Variants in HNRNPUL2 observed in about 807,000 individuals in gnomAD.
The protein encoded by HNRNPUL2 is heterogeneous nuclear ribonucleoprotein U-like protein 2.
Under a neutral mutation model 102.2 loss-of-function variants are expected in HNRNPUL2, and 27 were observed. The observed-to-expected ratio is 0.26, with a 90% CI of 0.19 to 0.36. The LOEUF is 0.36. Ranked by LOEUF, HNRNPUL2 falls within the 10% of genes least tolerant of loss-of-function variation. HNRNPUL2 has a pLI of 1.00. For synonymous variants in HNRNPUL2, 458 were observed against 387.2 expected (o/e 1.18, Z -2.15); for missense variants, 936 against 981.1 (o/e 0.95, Z 0.61).
chr11:62,715,719 A>T, intron 12 of HNRNPUL2, 112 bp from the exon 13 acceptor site: 1 of 1,154,278 alleles, frequency 8.7e-7, no homozygotes, highest in Non-Finnish European at 1.3e-6. Context: ...AAATTGGTTT[A>T]ATTTTCCCAT....
intron 11 of HNRNPUL2, 61 bp from the exon 12 acceptor site, chr11:62,715,998 G>A (rs2083657486): frequency 1.2e-5 from 17 of 1,360,766 alleles, no homozygotes; most frequent in Non-Finnish European, 1.5e-5. Context: ...TCCACATCTG[G>A]GTGGAAATCA....
At position 62,727,230 on chromosome 11, in the gene HNRNPUL2, GC is replaced by G; in HGVS notation, c.-75del. The G allele has an allele frequency of 7.9e-7, 1 of 1,268,700 alleles. No homozygotes were observed. The highest frequency in any genetic ancestry group is 2.2e-5 in the South Asian group (1 of 46,372). 78.6% of individuals were successfully genotyped at this position (1,268,700 alleles called of 1,614,324 possible). ...GTCGACCGAGTCCGACCGCGCAGGCGCCGCCGCCGCCGCCCGCCTCCGCCTC... is the reference window on the plus strand; with the variant it reads ...GTCGACCGAGTCCGACCGCGCAGGCGCGCCGCCGCCGCCCGCCTCCGCCTC... On this transcript the variant is annotated 5_prime_UTR_variant, in exon 1 of 14. Coordinates refer to ENST00000301785, the MANE Select transcript of HNRNPUL2 (RefSeq NM_001079559.3).
At position 62,727,106 on chromosome 11, in the gene HNRNPUL2, C is replaced by G. The variant is rs769870491; in HGVS notation, c.51G>C (p.Arg17=). The G allele has an allele frequency of 1.4e-6, 2 of 1,449,142 alleles. No homozygotes were observed. Among genetic ancestry groups the G allele is most frequent in the South Asian group, 2.6e-5 (2 of 75,964 alleles). 89.8% of individuals were successfully genotyped at this position (1,449,142 alleles called of 1,614,324 possible). A position where few individuals can be genotyped will look rare whatever the true frequency, so the allele number is the denominator to read the frequency against. Residue 17 remains arginine, a synonymous_variant, in exon 1 of 14, where the codon CGG becomes CGC. Transcript: ENST00000301785. ...KVTELRSELQ[R]RGLDSRGLKV... Reference sequence around the variant, plus strand: ...TGAGGCCGCGCGAGTCCAGGCCCCGCCGCTGCAGCTCCGACCGCAGCTCGG... The same window carrying G: ...TGAGGCCGCGCGAGTCCAGGCCCCGGCGCTGCAGCTCCGACCGCAGCTCGG...
At chr11:62,724,224 A>G in intron 2 of HNRNPUL2, 67 bp downstream of exon 2, 1 of 1,592,470 alleles carries the variant, frequency 6.3e-7, no homozygotes, top group Admixed American at 1.7e-5. Flanking sequence ...CAGTCTCTCC[A>G]GTCAATACCA....
chr11:62,722,284 C>A lies in HNRNPUL2; in HGVS notation c.1192G>T (p.Ala398Ser), dbSNP rs2134778253. The A allele has an allele frequency of 3.7e-6, 6 of 1,614,142 alleles. No individual in the cohort carries two copies. The highest frequency in any genetic ancestry group is 5.1e-6 in the Non-Finnish European group (6 of 1,180,030). Reference sequence around the variant, plus strand: ...TTGCAGAGGACATGGGGTAGAAGGGCCCGGTCTGCCAGGGAATCCTTGCTG... The same window carrying A: ...TTGCAGAGGACATGGGGTAGAAGGGACCGGTCTGCCAGGGAATCCTTGCTG... ...WISKDSLADRALLPHVLCKNC... is the reference protein window; with the variant it reads ...WISKDSLADRSLLPHVLCKNC... Residue 398 changes from alanine to serine, a missense_variant, in exon 7 of 14, where the codon GCC becomes TCC. Physicochemically the swap from Ala to Ser is moderately conservative, Grantham distance 99. This residue lies in a region of HNRNPUL2 where 609 missense variants were observed against 713.0 expected (regional missense o/e 0.85). Transcript: ENST00000301785.
Position 62,721,881 on chromosome 11 carries a change from T to C in HNRNPUL2, c.1421A>G (p.Lys474Arg). Residue 474 changes from lysine (K) to arginine (R), a missense_variant, in exon 8 of 14, where the codon AAA (lysine) becomes AGA (arginine). Coordinates refer to ENST00000301785, the MANE Select transcript of HNRNPUL2 (RefSeq NM_001079559.3). ...ATTGTATCTTTTCTCAGGGTTTTCT[T>C]TTGCATATTTCAGTGCCCACTGGGT... Reference protein sequence around the residue: ...GKTQWALKYAKENPEKRYNVL... With the variant: ...GKTQWALKYARENPEKRYNVL... The C allele has an allele frequency of 1.2e-6, 2 of 1,614,160 alleles. No homozygotes were observed. Among genetic ancestry groups the C allele is most frequent in the Non-Finnish European group, 1.7e-6 (2 of 1,180,022 alleles).
chr11:62,721,770 T>C, intron 8 of HNRNPUL2, 50 bp downstream of exon 8: 1 of 1,595,406 alleles, frequency 6.3e-7, no homozygotes, highest in Non-Finnish European at 8.6e-7. Context: ...AAAGATAGGT[T>C]ATAAGAGTCT....
In HNRNPUL2 at chr11:62,716,886, T is replaced by A. The variant is rs117466921; in HGVS notation, c.1981+103A>T. 5.7e-4 allele frequency: 672 copies of A among 1,185,650 alleles called. 9 individuals are homozygous for A. The East Asian group carries it at 0.014, about 25-fold the overall frequency. The allele number at this position is 1,185,650 out of a possible 1,614,324, so 73.4% of individuals were successfully genotyped here. On this transcript the variant is annotated intron_variant, in intron 11 of 13. Transcript: ENST00000301785. ...CCATGAAGAAGGCACTTCCGTATTG[T>A]TAATGACCTGACTTGGTTTCCTTGG...
intron 7 of HNRNPUL2, 84 bp from the exon 8 acceptor site, chr11:62,722,026 C>A: frequency 6.2e-7 from 1 of 1,604,112 alleles, no homozygotes; most frequent in Non-Finnish European, 8.5e-7. Flanking sequence ...TCCTCCCATT[C>A]CTGTTTGGTA....
chr11:62,718,719 A>G (rs1447905418), intron 10 of HNRNPUL2, among the ~76,000 whole-genome samples: 16 of 148,478 alleles, frequency 1.1e-4, no homozygotes, highest in African/African-American at 2.5e-5. Context: ...AAAAAGCAGA[A>G]TAAGAAATGT....
intron 10 of HNRNPUL2, among the ~76,000 whole-genome samples, chr11:62,718,246 TTAA>T (rs1383858921): frequency 6.6e-6 from 1 of 152,198 alleles, no homozygotes; most frequent in African/African-American, 2.4e-5. Context: ...AATCAAAATA[TTAA>T]TATTTCTTAT....
Position 62,715,354 on chromosome 11 carries a change from GGGT to G in HNRNPUL2, c.2186_2188del (p.His729del), listed in dbSNP as rs746060567. ...CCTGTAGTATCGGTCTCTGTCCTGG[GGGT>G]GGTGGTAGTAGTAACTCTGCCACTA... On this transcript the variant is annotated inframe_deletion, in exon 14 of 14. Transcript: ENST00000301785. The G allele has an allele frequency of 1.2e-6, 2 of 1,613,260 alleles. No homozygotes were observed. Among genetic ancestry groups the G allele is most frequent in the Non-Finnish European group, 1.7e-6 (2 of 1,179,758 alleles).
In HNRNPUL2 at chr11:62,723,606, T is replaced by C. The variant is rs1257158182; in HGVS notation, c.872A>G (p.Lys291Arg). 2 of 1,610,920 alleles carry C rather than the reference T, an allele frequency of 1.2e-6. No individual in the cohort carries two copies. The highest frequency in any genetic ancestry group is 2.7e-5 in the African/African-American group (2 of 74,728). ...ARSTYGVTKG[K>R]VCFEAKVTQN... ...AGCTACCTTTGCCTCAAAGCAGACTTTTCCCTTTGTCACTCCGTAAGTACT... is the reference window on the plus strand; with the variant it reads ...AGCTACCTTTGCCTCAAAGCAGACTCTTCCCTTTGTCACTCCGTAAGTACT... Residue 291 changes from lysine (K) to arginine (R), a missense_variant, in exon 4 of 14, where the codon AAA becomes AGA. Physicochemically the swap from Lys to Arg is conservative, Grantham distance 26. This residue lies in a region of HNRNPUL2 where 609 missense variants were observed against 713.0 expected (regional missense o/e 0.85). Transcript: ENST00000301785.
chr11:62,716,558 A>C (rs1208590139), intron 11 of HNRNPUL2, among the ~76,000 whole-genome samples: 1 of 152,206 alleles, frequency 6.6e-6, no homozygotes, highest in Non-Finnish European at 1.5e-5. Context: ...CCCCACAAAA[A>C]ACACTGAATA....
At position 62,712,905 on chromosome 11, in the gene HNRNPUL2, A is replaced by G. The variant is rs540215105; in HGVS notation, c.*2394T>C. ...CAGACGTCTGATAAAACACTAAACAAGTCTTCTAAGGAAAACAAGGCTAGG... is the reference window on the plus strand; with the variant it reads ...CAGACGTCTGATAAAACACTAAACAGGTCTTCTAAGGAAAACAAGGCTAGG... On this transcript the variant is annotated 3_prime_UTR_variant, in exon 14 of 14. Transcript: ENST00000301785. 1 of 152,312 alleles carries G rather than the reference A, an allele frequency of 6.6e-6. No individual in the cohort carries two copies. Among genetic ancestry groups the G allele is most frequent in the African/African-American group, 2.4e-5 (1 of 41,562 alleles). The allele number at this position is 152,312 out of a possible 1,614,324, so 9.4% of individuals were successfully genotyped here.
chr11:62,722,208 G>A lies in HNRNPUL2; in HGVS notation c.1268C>T (p.Pro423Leu), dbSNP rs2083708360. 1.9e-6 allele frequency: 3 copies of A among 1,614,132 alleles called. No homozygotes were observed. In the East Asian group the frequency reaches 6.7e-5, roughly 36 times the overall value. The change falls in exon 7 of 14, where the codon CCA (proline) becomes CTA (leucine). Residue 423 changes from proline to leucine, a missense_variant. By Grantham distance (98) the Pro-to-Leu change is moderately conservative. Around this residue, in one of 2 missense-constraint regions of HNRNPUL2, gnomAD observed 609 missense variants for 713.0 expected, o/e 0.85. Transcript: ENST00000301785. Reference protein sequence around the residue: ...NFGQKEEPFFPPPEEFVFIHA... With the variant: ...NFGQKEEPFFLPPEEFVFIHA... ...AATGAACACAAACTCTTCTGGTGGT[G>A]GGAAGAAGGGCTCCTCCTTCTGACC...
At position 62,727,184 on chromosome 11, in the gene HNRNPUL2, C is replaced by T. The variant is rs2083761864; in HGVS notation, c.-28G>A. On this transcript the variant is annotated 5_prime_UTR_variant, in exon 1 of 14. Coordinates refer to ENST00000301785, the MANE Select transcript of HNRNPUL2 (RefSeq NM_001079559.3). ...CCGCCGCCGCCTCCTCCGCCTCCCG[C>T]CGCCTCCTCCCCTGCGAACCGTCGA... 3 of 1,407,444 alleles carry T rather than the reference C, an allele frequency of 2.1e-6. No homozygotes were observed. The highest frequency in any genetic ancestry group is 2.8e-6 in the Non-Finnish European group (3 of 1,080,898). 87.2% of individuals were successfully genotyped at this position (1,407,444 alleles called of 1,614,324 possible).
rs779066835 is a variant in HNRNPUL2 at position 62,724,277 on chromosome 11, A to G, written c.674+14T>C. The G allele has an allele frequency of 6.2e-7, 1 of 1,614,036 alleles. No homozygotes were observed. ...GCAGACACTCCCTTCAACGAAAGGG[A>G]CTGTTTCCCTCACCGGCTGTGGTAA... is the stretch of plus-strand genomic sequence containing the variant. On this transcript the variant is annotated intron_variant, in intron 2 of 13. Coordinates refer to ENST00000301785, the MANE Select transcript of HNRNPUL2 (RefSeq NM_001079559.3).
chr11:62,721,533 A>G lies in HNRNPUL2; in HGVS notation c.1483-110T>C, dbSNP rs567676003. The G allele has an allele frequency of 6.9e-5, 70 of 1,015,560 alleles. No homozygotes were observed. In the Middle Eastern group the frequency reaches 8.2e-4, roughly 12 times the overall value. 62.9% of individuals were successfully genotyped at this position (1,015,560 alleles called of 1,614,324 possible). ...CACCTCTTCAAATACTGAATCTATGATATCACTCTATTCCCATTCTTCAGT... is the reference window on the plus strand; with the variant it reads ...CACCTCTTCAAATACTGAATCTATGGTATCACTCTATTCCCATTCTTCAGT... On this transcript the variant is annotated intron_variant, in intron 8 of 13. Transcript: ENST00000301785.
Sources: gnomAD v4.1 joint callset for allele counts (sites outside exome capture counted in the v4.1 genomes callset) on GRCh38, gnomAD v4.1.1 for gene constraint, gnomAD v4.1.1 regional missense constraint, MANE v1.5 for transcripts, NCBI Gene and HGNC (gene_info 2026-07-23, HGNC 2026-07-21) for gene names.